ATP2B2: variants seen among roughly 807,000 people sequenced by gnomAD.
ATP2B2 encodes plasma membrane calcium-transporting ATPase 2.
A neutral mutation model predicts 120.0 loss-of-function variants in ATP2B2; 15 were observed. That is an observed-to-expected ratio of 0.12 (90% confidence interval 0.08 to 0.19). ATP2B2 has a LOEUF of 0.19. ATP2B2 is among the 10% of genes least tolerant of loss of function. The probability of loss-of-function intolerance (pLI) is 1.00; values close to 1 mark genes in which losing one functional copy is unlikely to be tolerated. For missense variants in ATP2B2, 1,045 were observed against 1,719.8 expected (o/e 0.61, Z 6.94); for synonymous variants, 694 against 700.3 (o/e 0.99, Z 0.14).
intron 12 of ATP2B2, among the ~76,000 whole-genome samples, chr3:10,365,638 T>C (rs1291572816): frequency 1.3e-5 from 2 of 151,104 alleles, no homozygotes; most frequent in Non-Finnish European, 3.0e-5. Context: ...GTGGTGTGTG[T>C]ATATGTGTAG....
intron 8 of ATP2B2, among the ~76,000 whole-genome samples, chr3:10,379,757 G>T (rs1377617662): frequency 6.6e-6 from 1 of 150,968 alleles, no homozygotes; most frequent in Middle Eastern, 3.2e-3. Context: ...GTAGAGAGAG[G>T]GGAGAGGGGG....
intron 1 of ATP2B2, among the ~76,000 whole-genome samples, chr3:10,692,926 C>T (rs948197518): frequency 6.6e-6 from 1 of 152,170 alleles, no homozygotes; most frequent in Non-Finnish European, 1.5e-5. Flanking sequence ...TCACTGGCAG[C>T]CCTGGATCCT....
chr3:10,684,302 C>G (rs758274443), intron 1 of ATP2B2, among the ~76,000 whole-genome samples: 3 of 152,208 alleles, frequency 2.0e-5, no homozygotes, highest in Non-Finnish European at 4.4e-5. Context: ...AGCCCTAGAA[C>G]AACTGGTGAC....
At chr3:10,455,141 T>G (rs2064204841) in intron 1 of ATP2B2, among the ~76,000 whole-genome samples, 1 of 152,216 alleles carries the variant, frequency 6.6e-6, no homozygotes, top group Non-Finnish European at 1.5e-5. Context: ...GACCTCAGTT[T>G]GCTCATCTGT....
intron 2 of ATP2B2, among the ~76,000 whole-genome samples, chr3:10,417,835 C>A (rs999802586): frequency 6.6e-6 from 1 of 152,118 alleles, no homozygotes; most frequent in African/African-American, 2.4e-5. Flanking sequence ...TGTGAAAAGG[C>A]AAGAGAAACT....
intron 2 of ATP2B2, among the ~76,000 whole-genome samples, chr3:10,411,867 C>A (rs1017742310): frequency 6.6e-6 from 1 of 152,140 alleles, no homozygotes; most frequent in Non-Finnish European, 1.5e-5. Flanking sequence ...CCAGGTGCAC[C>A]CCTCATCATG....
intron 1 of ATP2B2, among the ~76,000 whole-genome samples, chr3:10,454,359 C>T (rs1242266258): frequency 2.0e-5 from 3 of 152,070 alleles, no homozygotes; most frequent in Admixed American, 1.3e-4. Context: ...AAAGATGAAT[C>T]ATGAAGAAAC....
chr3:10,479,541 A>G (rs2065325854), intron 1 of ATP2B2, among the ~76,000 whole-genome samples: 1 of 152,056 alleles, frequency 6.6e-6, no homozygotes. Context: ...TTGATTTTAG[A>G]TCACTGACTA....
chr3:10,449,227 C>T (rs2063945313), intron 2 of ATP2B2, 118 bp downstream of exon 2: 2 of 1,165,656 alleles, frequency 1.7e-6, no homozygotes, highest in Non-Finnish European at 1.2e-6. Context: ...GCCATTCTGG[C>T]ATTTCAGCCT....
chr3:10,570,805 C>T (rs1205414325), intron 2 of ATP2B2, among the ~76,000 whole-genome samples: 1 of 152,250 alleles, frequency 6.6e-6, no homozygotes, highest in African/African-American at 2.4e-5. Flanking sequence ...CTCCCCAGGA[C>T]TTCGCAGCAC....
intron 2 of ATP2B2, among the ~76,000 whole-genome samples, chr3:10,579,221 G>A (rs555671022): frequency 6.6e-6 from 1 of 152,352 alleles, no homozygotes; most frequent in South Asian, 2.1e-4. Context: ...TTTTGTAGGG[G>A]AGGCACCTCT....
At chr3:10,565,426 T>C (rs933187979) in intron 2 of ATP2B2, among the ~76,000 whole-genome samples, 8 of 152,152 alleles carry the variant, frequency 5.3e-5, no homozygotes, top group Non-Finnish European at 1.2e-4. Context: ...ACTCTAATTC[T>C]GAAAGCCTCT....
At chr3:10,611,663 T>C (rs1306183298) in intron 2 of ATP2B2, among the ~76,000 whole-genome samples, 1 of 152,204 alleles carries the variant, frequency 6.6e-6, no homozygotes, top group African/African-American at 2.4e-5. Flanking sequence ...CAAACTCACA[T>C]AGGCTTCTCT....
At chr3:10,675,672 C>A (rs541762574) in intron 1 of ATP2B2, among the ~76,000 whole-genome samples, 3 of 152,150 alleles carry the variant, frequency 2.0e-5, no homozygotes, top group Non-Finnish European at 4.4e-5. Flanking sequence ...CACATCTTGG[C>A]CTTGACCCTG....
intron 1 of ATP2B2, among the ~76,000 whole-genome samples, chr3:10,458,221 G>A (rs1184694719): frequency 6.6e-6 from 1 of 152,090 alleles, no homozygotes; most frequent in Non-Finnish European, 1.5e-5. Flanking sequence ...CCCTGCCCCG[G>A]GCACTGGGAC....
In ATP2B2 at chr3:10,576,632, G is replaced by A. The variant is rs185831990; in HGVS notation, c.-414-42499C>T. Among the ~76,000 whole-genome samples the A allele has an allele frequency of 2.3e-3, 356 of 151,910 alleles. 1 individual carries two copies. Among genetic ancestry groups the A allele is most frequent in the Middle Eastern group, 0.014 (4 of 294 alleles). On this transcript the variant is annotated intron_variant, in intron 2 of 21. Transcript: ENST00000646379. ...TGGCCTCAAGTAATCCTCCTGCCTC[G>A]GCCTCCCAAATTGCTGGGATTACAG...
intron 1 of ATP2B2, among the ~76,000 whole-genome samples, chr3:10,629,821 C>G (rs1306622005): frequency 1.3e-5 from 2 of 152,248 alleles, no homozygotes; most frequent in African/African-American, 4.8e-5. Flanking sequence ...GGCATAAATT[C>G]ATTTAAACAA....
intron 2 of ATP2B2, among the ~76,000 whole-genome samples, chr3:10,610,447 G>A (rs986483525): frequency 2.0e-5 from 3 of 152,068 alleles, no homozygotes; most frequent in African/African-American, 7.2e-5. Flanking sequence ...GCATCACTAA[G>A]CATTTTTCTG....
chr3:10,516,560 T>C (rs762770264), intron 3 of ATP2B2, among the ~76,000 whole-genome samples: 5 of 152,134 alleles, frequency 3.3e-5, no homozygotes, highest in African/African-American at 9.7e-5. Context: ...ATAACATCCA[T>C]TGCCACTCCT....
Sources: allele counts gnomAD v4.1 joint callset (sites outside exome capture counted in the v4.1 genomes callset), GRCh38; gene constraint gnomAD v4.1.1; transcripts MANE v1.5; gene names NCBI Gene and HGNC (gene_info 2026-07-23, HGNC 2026-07-21).